Variants in EMC2 observed in about 807,000 individuals in gnomAD.
EMC2 encodes the protein ER membrane protein complex subunit 2.
EMC2 carries 37 observed loss-of-function variants against 51.6 expected under a neutral mutation model. That is an observed-to-expected ratio of 0.72 (90% CI 0.55 to 0.94). The LOEUF (loss-of-function observed/expected upper bound fraction) is 0.94, where lower values mean the gene tolerates loss of function less well. EMC2 is among the 40% of genes least tolerant of loss of function. The probability of loss-of-function intolerance (pLI) is 0.00; values close to 1 mark genes in which losing one functional copy is unlikely to be tolerated. For missense variants in EMC2, 359 were observed against 350.9 expected, an observed-to-expected ratio of 1.02 and a Z score of -0.18; for synonymous variants, 131 against 112.4, an observed-to-expected ratio of 1.17 and a Z score of -1.04.
intron 5 of EMC2, among the ~76,000 whole-genome samples, chr8:108,466,876 G>A (rs569992242): frequency 4.1e-4 from 63 of 152,134 alleles, no homozygotes; most frequent in African/African-American, 1.5e-3. Context: ...GTTTTGTGTG[G>A]CTTTTGGGAG....
At chr8:108,479,260 G>A (rs957566344) in intron 10 of EMC2, 150 bp downstream of exon 10, 4 of 394,430 alleles carry the variant, frequency 1.0e-5, no homozygotes, top group African/African-American at 2.1e-5. Context: ...TTAATTTGTA[G>A]TTTTAAGATT....
rs577671021 is a variant in EMC2, at chr8:108,449,811, T to A, written c.41-12T>A. On this transcript the variant is annotated splice_polypyrimidine_tract_variant and intron_variant, in intron 1 of 10. Coordinates refer to ENST00000220853, the MANE Select transcript of EMC2 (RefSeq NM_014673.5). ...GTACATATACACTTAAATGTCATGT[T>A]ATTTTTTTCAGAAATGAGAGATAAA... The A allele has an allele frequency of 8.0e-7, 1 of 1,257,486 alleles. No individual in the cohort carries two copies. The highest frequency in any genetic ancestry group is 1.5e-5 in the African/African-American group (1 of 67,562). 77.9% of individuals were successfully genotyped at this position (1,257,486 alleles called of 1,614,324 possible).
chr8:108,480,303 T>A (rs989264215), intron 10 of EMC2, among the ~76,000 whole-genome samples: 1 of 152,106 alleles, frequency 6.6e-6, no homozygotes, highest in Non-Finnish European at 1.5e-5. Context: ...CTTTCCTCCA[T>A]GTTTAAATGA....
At chr8:108,483,940 G>A (rs577969854) in intron 10 of EMC2, among the ~76,000 whole-genome samples, 10 of 152,048 alleles carry the variant, frequency 6.6e-5, no homozygotes, top group African/African-American at 9.6e-5. Flanking sequence ...ATAATATTTC[G>A]TATGGGATTT....
chr8:108,461,802 A>G (rs1819328817), intron 5 of EMC2, among the ~76,000 whole-genome samples: 1 of 151,822 alleles, frequency 6.6e-6, no homozygotes, highest in African/African-American at 2.4e-5. Context: ...TCTATCCCTG[A>G]GCTCAGGTCC....
intron 5 of EMC2, among the ~76,000 whole-genome samples, chr8:108,462,451 A>G (rs918598349): frequency 6.6e-6 from 1 of 152,156 alleles, no homozygotes; most frequent in African/African-American, 2.4e-5. Context: ...TTCCTCTCAG[A>G]AACAGTTTTT....
At chr8:108,485,543 G>GTA (rs201480366) in intron 10 of EMC2, among the ~76,000 whole-genome samples, 7 of 65,718 alleles carry the variant, frequency 1.1e-4, no homozygotes, top group Admixed American at 3.0e-4. Flanking sequence ...ATATATATAT[G>GTA]TATATATATA....
chr8:108,459,986 A>C (rs1311318747), intron 5 of EMC2, among the ~76,000 whole-genome samples: 2 of 152,184 alleles, frequency 1.3e-5, no homozygotes, highest in Non-Finnish European at 2.9e-5. Flanking sequence ...TTAGTTCAAC[A>C]ATTTCTTAGA....
At chr8:108,458,797 GC>G (rs1819231911) in intron 5 of EMC2, among the ~76,000 whole-genome samples, 1 of 152,170 alleles carries the variant, frequency 6.6e-6, no homozygotes, top group Admixed American at 6.5e-5. Flanking sequence ...TTAACATTCA[GC>G]TCCTTGTTAC....
At chr8:108,450,841 T>C (rs1472029103) in intron 3 of EMC2, among the ~76,000 whole-genome samples, 1 of 152,222 alleles carries the variant, frequency 6.6e-6, no homozygotes. Context: ...TGTTCAATAC[T>C]GTTACACAAT....
intron 5 of EMC2, among the ~76,000 whole-genome samples, chr8:108,461,008 A>G (rs970514542): frequency 5.9e-5 from 9 of 152,236 alleles, no homozygotes; most frequent in African/African-American, 2.2e-4. Flanking sequence ...ACATTGAAGG[A>G]GAAAACATAG....
chr8:108,448,259 C>G (rs115669638), intron 1 of EMC2, among the ~76,000 whole-genome samples: 1 of 152,064 alleles, frequency 6.6e-6, no homozygotes, highest in African/African-American at 2.4e-5. Flanking sequence ...AGTACAGATT[C>G]GGTAAGTTAT....
intron 3 of EMC2, among the ~76,000 whole-genome samples, chr8:108,452,460 G>C (rs767498016): frequency 2.6e-5 from 4 of 152,096 alleles, no homozygotes; most frequent in Admixed American, 2.6e-4. Flanking sequence ...CGAGCTACTT[G>C]GGAGGCCGAG....
intron 5 of EMC2, 70 bp from the exon 6 acceptor site, chr8:108,469,752 ACAGT>A (rs1319264017): frequency 1.6e-6 from 2 of 1,215,940 alleles, no homozygotes; most frequent in African/African-American, 1.5e-5. Flanking sequence ...AATAATTTGC[ACAGT>A]CAAATTACCT....
chr8:108,459,269 C>T (rs1040195844), intron 5 of EMC2, among the ~76,000 whole-genome samples: 2 of 152,214 alleles, frequency 1.3e-5, no homozygotes, highest in Non-Finnish European at 1.5e-5. Flanking sequence ...TGCCAGTACC[C>T]AGTTCCAAAG....
chr8:108,485,677 TAAC>T (rs1811126483), intron 10 of EMC2, among the ~76,000 whole-genome samples: 1 of 150,816 alleles, frequency 6.6e-6, no homozygotes, highest in African/African-American at 2.4e-5. Context: ...TCAGTCCAGT[TAAC>T]AAACTCATTT....
At chr8:108,476,534 G>A (rs892718973) in intron 8 of EMC2, among the ~76,000 whole-genome samples, 22 of 151,868 alleles carry the variant, frequency 1.4e-4, no homozygotes, top group Admixed American at 9.9e-4. Flanking sequence ...TTTTATTGCG[G>A]CAGCATTTTT....
intron 1 of EMC2, among the ~76,000 whole-genome samples, chr8:108,444,028 A>T (rs1818816688): frequency 6.6e-6 from 1 of 152,204 alleles, no homozygotes; most frequent in African/African-American, 2.4e-5. Flanking sequence ...GCGGTGCGGA[A>T]GAGGCGGAAT....
At chr8:108,449,786 G>A (rs375787210) in intron 1 of EMC2, 37 bp from the exon 2 acceptor site, 5 of 928,296 alleles carry the variant, frequency 5.4e-6, no homozygotes, top group Non-Finnish European at 8.7e-6. Flanking sequence ...GTGTGTCTGG[G>A]TACATATACA....
Sources: gnomAD v4.1 joint callset for allele counts (sites outside exome capture counted in the v4.1 genomes callset) on GRCh38, gnomAD v4.1.1 for gene constraint, MANE v1.5 for transcripts, NCBI Gene and HGNC (gene_info 2026-07-23, HGNC 2026-07-21) for gene names.